Variants in SORBS2 observed in about 807,000 individuals in gnomAD.
The protein encoded by SORBS2 is sorbin and SH3 domain-containing protein 2.
A neutral mutation model predicts 97.7 loss-of-function variants in SORBS2; 46 were observed. That is an observed-to-expected ratio of 0.47 (90% CI 0.37 to 0.60). The LOEUF (loss-of-function observed/expected upper bound fraction) is 0.60, where lower values mean the gene tolerates loss of function less well. SORBS2 is among the 20% of genes least tolerant of loss of function. The pLI, the probability that SORBS2 is intolerant of heterozygous loss-of-function variation, is 0.00. For missense variants in SORBS2, 1,316 were observed against 1,282.3 expected (o/e 1.03, Z -0.40); for synonymous variants, 476 against 473.4 (o/e 1.01, Z -0.07).
In SORBS2 at chr4:185,685,554, C is replaced by T. The variant is rs114664182; in HGVS notation, c.-197-6732G>A. ...CTTTTTAAATTTTTATTTTTAGGGC[C>T]GGAGTCTTGCTCCATCACCCAGGCT... On this transcript the variant is annotated intron_variant, in intron 2 of 20. Transcript: ENST00000284776. 4.0e-3 allele frequency among the ~76,000 whole-genome samples: 605 copies of T among 152,212 alleles called. 4 individuals carry two copies. Among genetic ancestry groups the T allele is most frequent in the African/African-American group, 0.014 (579 of 41,546 alleles).
chr4:185,767,612 G>T (rs777026551), intron 2 of SORBS2, among the ~76,000 whole-genome samples: 4 of 151,796 alleles, frequency 2.6e-5, no homozygotes, highest in Non-Finnish European at 4.4e-5. Context: ...AAAATTATAG[G>T]TGCAATTATT....
chr4:185,845,974 C>T (rs1181205473), intron 1 of SORBS2, among the ~76,000 whole-genome samples: 2 of 152,242 alleles, frequency 1.3e-5, no homozygotes, highest in Non-Finnish European at 2.9e-5. Context: ...CAAAATAGTA[C>T]AGACTCCTTG....
intron 3 of SORBS2, 59 bp from the exon 13 acceptor site, chr4:185,646,841 T>C (rs2097215923): frequency 2.1e-6 from 2 of 960,542 alleles, no homozygotes; most frequent in East Asian, 2.4e-5. Flanking sequence ...AGCAATTGTG[T>C]AAAACCAGTT....
intron 2 of SORBS2, among the ~76,000 whole-genome samples, chr4:185,687,090 T>G (rs2153513510): frequency 6.6e-6 from 1 of 152,348 alleles, no homozygotes; most frequent in South Asian, 2.1e-4. Context: ...TTGCCCAGGC[T>G]GGAGTGTAGT....
intron 2 of SORBS2, among the ~76,000 whole-genome samples, chr4:185,769,586 G>A: frequency 6.6e-6 from 1 of 152,168 alleles, no homozygotes; most frequent in South Asian, 2.1e-4. Context: ...TGCCTCCCGG[G>A]TTCAAGCAAT....
At chr4:185,915,881 G>A (rs2099257873) in intron 1 of SORBS2, among the ~76,000 whole-genome samples, 1 of 152,186 alleles carries the variant, frequency 6.6e-6, no homozygotes, top group African/African-American at 2.4e-5. Flanking sequence ...CTTGCAATAA[G>A]AAGGTTTGTA....
At chr4:185,687,969 T>C (rs2098002261) in intron 2 of SORBS2, among the ~76,000 whole-genome samples, 1 of 152,192 alleles carries the variant, frequency 6.6e-6, no homozygotes, top group Non-Finnish European at 1.5e-5. Context: ...ATTAATGACC[T>C]GCAGCCTTGC....
At chr4:185,744,573 A>C (rs1290499574) in intron 2 of SORBS2, among the ~76,000 whole-genome samples, 1 of 152,252 alleles carries the variant, frequency 6.6e-6, no homozygotes, top group East Asian at 1.9e-4. Flanking sequence ...AAGTGATGTT[A>C]TCTTGCAAAC....
At chr4:185,853,682 A>G (rs2099219169) in intron 1 of SORBS2, among the ~76,000 whole-genome samples, 1 of 152,192 alleles carries the variant, frequency 6.6e-6, no homozygotes, top group Non-Finnish European at 1.5e-5. Context: ...ATATGTGTAT[A>G]TGGTATTATA....
rs573140351 is a variant in SORBS2 at position 185,599,465 on chromosome 4, A to G, written c.2797-5530T>C. On this transcript the variant is annotated intron_variant, in intron 12 of 14. Transcript: ENST00000418609. Reference sequence around the variant, plus strand: ...AAGAAATAGGAAGTGGATAGAATCCAGACAGCAGTATGGGGACAAAAGGCA... The same window carrying G: ...AAGAAATAGGAAGTGGATAGAATCCGGACAGCAGTATGGGGACAAAAGGCA... Among the ~76,000 whole-genome samples, 47 of 152,364 alleles carry G rather than the reference A, an allele frequency of 3.1e-4. No individual in the cohort carries two copies. The South Asian group carries it at 9.1e-3, about 30-fold the overall frequency.
At chr4:185,737,515 A>T (rs2153580783) in intron 2 of SORBS2, among the ~76,000 whole-genome samples, 1 of 152,320 alleles carries the variant, frequency 6.6e-6, no homozygotes, top group Admixed American at 6.5e-5. Context: ...TTCTGTCATG[A>T]AACATAAAAC....
At chr4:185,889,633 C>G (rs2099241481) in intron 1 of SORBS2, among the ~76,000 whole-genome samples, 1 of 152,212 alleles carries the variant, frequency 6.6e-6, no homozygotes, top group Non-Finnish European at 1.5e-5. Flanking sequence ...CAGTCTCTCA[C>G]TTGGGTACCA....
intron 1 of SORBS2, among the ~76,000 whole-genome samples, chr4:185,783,609 T>C (rs1198015618): frequency 1.3e-5 from 2 of 152,046 alleles, no homozygotes; most frequent in Admixed American, 6.5e-5. Context: ...GTAACCATGT[T>C]GTAGTTTAAA....
chr4:185,677,191 A>G (rs1421930516), intron 4 of SORBS2: 1 of 1,551,680 alleles, frequency 6.4e-7, no homozygotes, highest in Admixed American at 2.0e-5. Context: ...GGGGTCAGTG[A>G]GCGGGGCCTT....
At chr4:185,714,792 C>A (rs1393742734) in intron 2 of SORBS2, among the ~76,000 whole-genome samples, 1 of 152,144 alleles carries the variant, frequency 6.6e-6, no homozygotes, top group Non-Finnish European at 1.5e-5. Flanking sequence ...TTGAGGGAAA[C>A]CACCCCCATG....
intron 1 of SORBS2, among the ~76,000 whole-genome samples, chr4:185,791,311 T>G (rs1171800358): frequency 1.3e-5 from 2 of 152,174 alleles, no homozygotes; most frequent in African/African-American, 2.4e-5. Context: ...TGATCTTGTT[T>G]TGTTTGTACA....
At chr4:185,929,514 T>C (rs1308838151) in intron 1 of SORBS2, among the ~76,000 whole-genome samples, 5 of 148,666 alleles carry the variant, frequency 3.4e-5, no homozygotes, top group Non-Finnish European at 7.4e-5. Context: ...AGGTTTTATT[T>C]GTTGTTTTTT....
chr4:185,868,159 C>CTTTTTTTTTTTTTTTTTT lies in SORBS2; in HGVS notation c.-338+88036_-338+88037insAAAAAAAAAAAAAAAAAA, dbSNP rs112680775. On this transcript the variant is annotated intron_variant, in intron 1 of 20. Coordinates refer to the SORBS2 transcript ENST00000284776. Reference sequence around the variant, plus strand: ...TCTCTTTTCTTTTCTTTTTTTCTTTCTTTTTTTTTTTTTTTGAGGCAGAGT... The same window carrying CTTTTTTTTTTTTTTTTTT: ...TCTCTTTTCTTTTCTTTTTTTCTTTCTTTTTTTTTTTTTTTTTTTTTTTTTTTTTTTTTGAGGCAGAGT... 3.8e-4 allele frequency among the ~76,000 whole-genome samples: 40 copies of CTTTTTTTTTTTTTTTTTT among 105,218 alleles called. 1 individual carries two copies. The highest frequency in any genetic ancestry group is 9.8e-4 in the African/African-American group (25 of 25,618). 69.0% of individuals were successfully genotyped at this position (105,218 alleles called of 152,430 possible).
intron 1 of SORBS2, among the ~76,000 whole-genome samples, chr4:185,862,376 G>T (rs925395930): frequency 6.6e-6 from 1 of 152,226 alleles, no homozygotes; most frequent in African/African-American, 2.4e-5. Context: ...GGTTGTAGAG[G>T]CATGAGAGCG....
Sources: allele counts gnomAD v4.1 joint callset (sites outside exome capture counted in the v4.1 genomes callset), GRCh38; gene constraint gnomAD v4.1.1; transcripts MANE v1.5; gene names NCBI Gene and HGNC (gene_info 2026-07-23, HGNC 2026-07-21).